The following PRPH2 variants were observed in gnomAD, a reference collection of about 807,000 sequenced individuals.
The protein encoded by PRPH2 is peripherin-2.
A neutral mutation model predicts 31.3 loss-of-function variants in PRPH2; 17 were observed. The ratio of observed to expected loss-of-function variants is 0.54; its 90% CI spans 0.37 to 0.81. The LOEUF (loss-of-function observed/expected upper bound fraction) is 0.81, where lower values mean the gene tolerates loss of function less well. Ranked by LOEUF, PRPH2 falls within the 40% of genes least tolerant of loss-of-function variation. The pLI is 0.00. For missense variants in PRPH2, 430 were observed against 439.7 expected (o/e 0.98, Z 0.20); for synonymous variants, 165 against 184.4 (o/e 0.89, Z 0.85).
At position 42,721,878 on chromosome 6, in the gene PRPH2, T is replaced by C. The variant is rs2152010930; in HGVS notation, c.457A>G (p.Lys153Glu). 1 of 1,614,184 alleles carries C rather than the reference T, an allele frequency of 6.2e-7. No individual in the cohort carries two copies. Among genetic ancestry groups the C allele is most frequent in the Non-Finnish European group, 8.5e-7 (1 of 1,180,032 alleles). ...DTDTPGRCFM[K>E]KTIDMLQIEF... ...ATCTGCAGCATGTCGATGGTCTTCTTCATGAAACACCTGCCAGGGGTGTCT... is the reference window on the plus strand; with the variant it reads ...ATCTGCAGCATGTCGATGGTCTTCTCCATGAAACACCTGCCAGGGGTGTCT... Residue 153 changes from lysine to glutamate, a missense_variant, in exon 1 of 3, where the codon AAG becomes GAG. Lys to Glu is a moderately conservative substitution (Grantham distance 56). Transcript: ENST00000230381.
At chr6:42,707,128 G>A (rs1582767627) in intron 1 of PRPH2, among the ~76,000 whole-genome samples, 1 of 152,020 alleles carries the variant, frequency 6.6e-6, no homozygotes, top group East Asian at 1.9e-4. Flanking sequence ...TGGAACTCCT[G>A]ATCTCGAGTG....
At chr6:42,714,399 A>G (rs1025055850) in intron 1 of PRPH2, among the ~76,000 whole-genome samples, 21 of 152,300 alleles carry the variant, frequency 1.4e-4, no homozygotes, top group Middle Eastern at 3.4e-3. Flanking sequence ...GAAGTGATGA[A>G]AATGTTCTAA....
chr6:42,705,269 T>G (rs1160406037), intron 1 of PRPH2, among the ~76,000 whole-genome samples: 2 of 152,090 alleles, frequency 1.3e-5, no homozygotes, highest in Non-Finnish European at 2.9e-5. Context: ...GTGTATTTGT[T>G]TAGCGCTTAC....
rs753657349 is a variant in PRPH2 at position 42,704,568 on chromosome 6, C to T, written c.625G>A (p.Val209Ile). Reference sequence around the variant, plus strand: ...CTAGGATTGCAGCAGCTGAAAGGGACGCCGTCCACCAGGTACCGCCCATCC... The same window carrying T: ...CTAGGATTGCAGCAGCTGAAAGGGATGCCGTCCACCAGGTACCGCCCATCC... ...NVDGRYLVDG[V>I]PFSCCNPSSP... Residue 209 changes from valine (V) to isoleucine (I), a missense_variant, in exon 2 of 3, where the codon GTC becomes ATC. By Grantham distance (29) the Val-to-Ile change is conservative. Transcript: ENST00000230381. 1.5e-5 allele frequency: 25 copies of T among 1,614,032 alleles called. No homozygotes were observed. Among genetic ancestry groups the T allele is most frequent in the Admixed American group, 1.0e-4 (6 of 60,004 alleles).
chr6:42,703,981 G>C (rs757937790), intron 2 of PRPH2, among the ~76,000 whole-genome samples: 6 of 151,876 alleles, frequency 4.0e-5, no homozygotes, highest in Non-Finnish European at 5.9e-5. Context: ...CATGCCTGTA[G>C]TCCCAGCTAT....
chr6:42,714,350 G>A (rs960239288), intron 1 of PRPH2, among the ~76,000 whole-genome samples: 8 of 151,504 alleles, frequency 5.3e-5, no homozygotes, highest in African/African-American at 1.5e-4. Context: ...GGGAGGGAAG[G>A]CTAGGGAGTG....
Position 42,698,401 on chromosome 6 carries a change from A to G in PRPH2, c.935T>C (p.Val312Ala). The G allele has an allele frequency of 6.2e-7, 1 of 1,613,798 alleles. No individual in the cohort carries two copies. The highest frequency in any genetic ancestry group is 8.5e-7 in the Non-Finnish European group (1 of 1,179,752). ...CAGAAAGGCCTTCCAGGTCTCCGGC[A>G]CGCTCCTCTCCAGCAGCCAGCCCTG... ...ESQGWLLERS[V>A]PETWKAFLES... Residue 312 changes from valine to alanine, a missense_variant, in exon 3 of 3, where the codon GTG becomes GCG. Coordinates refer to ENST00000230381, the MANE Select transcript of PRPH2 (RefSeq NM_000322.5).
intron 1 of PRPH2, among the ~76,000 whole-genome samples, chr6:42,707,414 C>A (rs1800188997): frequency 6.6e-6 from 1 of 152,066 alleles, no homozygotes; most frequent in Non-Finnish European, 1.5e-5. Context: ...GAAGATGGAT[C>A]CTTGCATCAA....
rs180775924 is a variant in PRPH2 at position 42,698,275 on chromosome 6, G to A, written c.*20C>T. 1.5e-4 allele frequency: 237 copies of A among 1,613,146 alleles called. 1 individual carries two copies. The highest frequency in any genetic ancestry group is 9.2e-4 in the African/African-American group (69 of 75,010). On this transcript the variant is annotated 3_prime_UTR_variant, in exon 3 of 3. Transcript: ENST00000230381. ...GTGCACTATTTCTCAGTGTTCGGGA[G>A]GGGAGGGGCCCCAGGGCCCTCAGCC...
chr6:42,700,309 G>T (rs1800023918), intron 2 of PRPH2, among the ~76,000 whole-genome samples: 1 of 152,124 alleles, frequency 6.6e-6, no homozygotes, highest in Admixed American at 6.5e-5. Context: ...TTAGCCACTT[G>T]TTTCTGTACA....
chr6:42,704,442 T>C lies in PRPH2; in HGVS notation c.751A>G (p.Arg251Gly), dbSNP rs772701367. Reference sequence around the variant, plus strand: ...CTGTAGTAGCTCAGCAGGGCAGCCCTGCAGCCACGCACCCACAGGTTGAGC... The same window carrying C: ...CTGTAGTAGCTCAGCAGGGCAGCCCCGCAGCCACGCACCCACAGGTTGAGC... ...EELNLWVRGC[R>G]AALLSYYSSL... The change falls in exon 2 of 3, where the codon AGG becomes GGG. Residue 251 changes from arginine to glycine, a missense_variant. By Grantham distance (125) the Arg-to-Gly change is moderately radical (BLOSUM62 -2). Coordinates refer to ENST00000230381, the MANE Select transcript of PRPH2 (RefSeq NM_000322.5). The C allele has an allele frequency of 2.5e-6, 4 of 1,612,226 alleles. No homozygotes were observed. Among genetic ancestry groups the C allele is most frequent in the Admixed American group, 3.4e-5 (2 of 59,566 alleles).
In PRPH2 at chr6:42,717,251, A is replaced by G. The variant is rs1476059421; in HGVS notation, c.581+4503T>C. ...AACATGGTGAAACTCAGTCTCTACT[A>G]AAAATACAAAAAAAAATAAATAGGT... On this transcript the variant is annotated intron_variant, in intron 1 of 2. Transcript: ENST00000230381. 6.6e-5 allele frequency among the ~76,000 whole-genome samples: 10 copies of G among 151,676 alleles called. No homozygotes were observed. The South Asian group carries it at 2.1e-3, about 32-fold the overall frequency.
rs749603273 is a variant in PRPH2 at position 42,704,538 on chromosome 6, G to T, written c.655C>A (p.Pro219Thr). 2.5e-6 allele frequency: 4 copies of T among 1,614,056 alleles called. No individual in the cohort carries two copies. Among genetic ancestry groups the T allele is most frequent in the African/African-American group, 2.7e-5 (2 of 74,918 alleles). Residue 219 changes from proline (P) to threonine (T), a missense_variant, in exon 2 of 3, where the codon CCA (proline) becomes ACA (threonine). Transcript: ENST00000230381. Reference sequence around the variant, plus strand: ...ATCTGATACTGGATGCAGGGCCGTGGCGAGCTAGGATTGCAGCAGCTGAAA... The same window carrying T: ...ATCTGATACTGGATGCAGGGCCGTGTCGAGCTAGGATTGCAGCAGCTGAAA... ...VPFSCCNPSS[P>T]RPCIQYQITN...
chr6:42,705,062 A>G (rs1800129362), intron 1 of PRPH2, among the ~76,000 whole-genome samples: 1 of 152,072 alleles, frequency 6.6e-6, no homozygotes, highest in Non-Finnish European at 1.5e-5. Flanking sequence ...AGGTGTTTCC[A>G]GAAGGCCTGC....
At position 42,722,292 on chromosome 6, in the gene PRPH2, T is replaced by G. The variant is rs1319529235; in HGVS notation, c.43A>C (p.Lys15Gln). The G allele has an allele frequency of 6.2e-7, 1 of 1,614,024 alleles. No homozygotes were observed. Among genetic ancestry groups the G allele is most frequent in the South Asian group, 1.1e-5 (1 of 91,092 alleles). The change falls in exon 1 of 3, where the codon AAG becomes CAG. Residue 15 changes from lysine to glutamine, a missense_variant. Coordinates refer to ENST00000230381, the MANE Select transcript of PRPH2 (RefSeq NM_000322.5). The surrounding 1 kb of genome is among the most constrained non-coding windows in gnomAD (Gnocchi z 4.4). ...ATGAGCCAGAGCCCTTGGGCCAACT[T>G]GACCCGCTTCTTCTGGTCAAACTTG... is the stretch of plus-strand genomic sequence containing the variant. ...KVKFDQKKRV[K>Q]LAQGLWLMNW... is the part of the protein sequence containing the mutation.
At chr6:42,709,383 A>T (rs769371354) in intron 1 of PRPH2, among the ~76,000 whole-genome samples, 27 of 147,330 alleles carry the variant, frequency 1.8e-4, no homozygotes, top group Non-Finnish European at 3.7e-4. Context: ...GCAGTTGCCC[A>T]CTGGTCCCAT....
intron 1 of PRPH2, among the ~76,000 whole-genome samples, chr6:42,715,688 A>C (rs1761764279): frequency 6.6e-6 from 1 of 152,162 alleles, no homozygotes; most frequent in Non-Finnish European, 1.5e-5. Context: ...AAAACAAAAC[A>C]AAACAAAAAA....
rs1176559269 is a variant in PRPH2, at chr6:42,721,965, C to T, written c.370G>A (p.Gly124Ser). The change falls in exon 1 of 3, where the codon GGC (glycine) becomes AGC (serine). Residue 124 changes from glycine to serine, a missense_variant. Coordinates refer to ENST00000230381, the MANE Select transcript of PRPH2 (RefSeq NM_000322.5). ...TGGCCCAGGGTGTTCTCCAGCGAGCCCCGAAGCAGAAAGCAGCAGAGAGCC... is the reference window on the plus strand; with the variant it reads ...TGGCCCAGGGTGTTCTCCAGCGAGCTCCGAAGCAGAAAGCAGCAGAGAGCC... The part of the protein sequence containing the change: ...LVALCCFLLR[G>S]SLENTLGQGL... 16 of 1,613,878 alleles carry T rather than the reference C, an allele frequency of 9.9e-6. No homozygotes were observed. The highest frequency in any genetic ancestry group is 1.4e-5 in the Non-Finnish European group (16 of 1,180,024).
At chr6:42,705,938 G>A (rs1304790818) in intron 1 of PRPH2, among the ~76,000 whole-genome samples, 1 of 139,632 alleles carries the variant, frequency 7.2e-6, no homozygotes, top group Non-Finnish European at 1.5e-5. Context: ...CAGCCCGTAC[G>A]ATACAGTGAG....
Sources: allele counts gnomAD v4.1 joint callset (sites outside exome capture counted in the v4.1 genomes callset), GRCh38; gene constraint gnomAD v4.1.1; non-coding constraint Gnocchi (gnomAD v3.1); transcripts MANE v1.5; gene names NCBI Gene and HGNC (gene_info 2026-07-23, HGNC 2026-07-21).